GNL3L: variants seen among roughly 807,000 people sequenced by gnomAD.
GNL3L encodes the protein guanine nucleotide-binding protein-like 3-like protein.
GNL3L carries 4 observed loss-of-function variants against 42.9 expected under a neutral mutation model. The ratio of observed to expected loss-of-function variants is 0.09; its 90% CI spans 0.05 to 0.21. The LOEUF is 0.21. Among genes scored for constraint, GNL3L ranks in the 10% least tolerant of loss-of-function variants. GNL3L has a pLI of 1.00. For synonymous variants in GNL3L, 159 were observed against 176.3 expected, an observed-to-expected ratio of 0.90 and a Z score of 0.78; for missense variants, 412 against 481.7, an observed-to-expected ratio of 0.86 and a Z score of 1.36.
chrX:54,569,386 G>A (rs749809415), downstream of GNL3L, among the ~76,000 whole-genome samples: 18 of 111,637 alleles, frequency 1.6e-4, no homozygotes, highest in Non-Finnish European at 3.0e-4. Flanking sequence ...GGCTATTCAG[G>A]TTATATTTCT....
intron 5 of GNL3L, 148 bp downstream of exon 5, chrX:54,541,537 A>T: frequency 8.9e-5 from 22 of 248,450 alleles, no homozygotes; most frequent in East Asian, 3.5e-4. Context: ...GGACGAAGGG[A>T]GGGAGGGAGG....
chrX:54,536,052 C>T (rs1375505191), intron 2 of GNL3L, among the ~76,000 whole-genome samples: 2 of 111,025 alleles, frequency 1.8e-5, no homozygotes, highest in Admixed American at 1.9e-4. Context: ...CTCAGCCTCT[C>T]GAGTAGCTGG....
At chrX:54,557,754 A>C (rs1186214980) in intron 14 of GNL3L, among the ~76,000 whole-genome samples, 1 of 108,780 alleles carries the variant, frequency 9.2e-6, no homozygotes, top group Non-Finnish European at 1.9e-5. Context: ...TTTTTAACAG[A>C]ATTGTTTGTA....
the GNL3L span, among the ~76,000 whole-genome samples, chrX:54,632,226 G>A: frequency 2.7e-5 from 3 of 111,309 alleles, no homozygotes; most frequent in East Asian, 8.4e-4. Context: ...CTTGACTTTA[G>A]ATAACCTGAT....
intron 16 of GNL3L, among the ~76,000 whole-genome samples, chrX:54,613,479 AGT>A (rs1365171165): frequency 9.0e-6 from 1 of 110,652 alleles, no homozygotes; most frequent in African/African-American, 3.3e-5. Flanking sequence ...CTGGTGAACT[AGT>A]GTGATTTTTT....
At chrX:54,622,992 A>G (rs1374964109), downstream of GNL3L, among the ~76,000 whole-genome samples, 1 of 111,664 alleles carries the variant, frequency 9.0e-6, no homozygotes, top group African/African-American at 3.3e-5. Flanking sequence ...ACCCTATTTA[A>G]TGGACTTGTC....
At chrX:54,641,577 C>G in the GNL3L span, among the ~76,000 whole-genome samples, 123 of 112,131 alleles carry the variant, frequency 1.1e-3, no homozygotes, top group African/African-American at 3.9e-3. Context: ...GGAGCACTGG[C>G]TCTACTTACA....
intron 16 of GNL3L, among the ~76,000 whole-genome samples, chrX:54,614,016 C>G (rs1163857707): frequency 9.0e-6 from 1 of 110,564 alleles, no homozygotes; most frequent in African/African-American, 3.3e-5. Context: ...TCTTCCACTA[C>G]CAGGGTGGAT....
chrX:54,576,835 A>G (rs922887935), intron 16 of GNL3L, among the ~76,000 whole-genome samples: 17 of 111,709 alleles, frequency 1.5e-4, no homozygotes, highest in Non-Finnish European at 2.8e-4. Flanking sequence ...GTTTCTATTT[A>G]TCTCATGTGT....
At chrX:54,588,870 CTTTAT>C (rs936868828) in intron 16 of GNL3L, among the ~76,000 whole-genome samples, 2 of 112,013 alleles carry the variant, frequency 1.8e-5, no homozygotes, top group African/African-American at 6.5e-5. Flanking sequence ...TTTTATTATG[CTTTAT>C]TTTATTTTTT....
At position 54,565,638 on chromosome X, in the gene GNL3L, T is replaced by A. The variant is rs1485149353; in HGVS notation, c.*5036T>A. Among the ~76,000 whole-genome samples, 6 of 109,956 alleles carry A rather than the reference T, an allele frequency of 5.5e-5. No homozygotes were observed. The highest frequency in any genetic ancestry group is 9.5e-5 in the Non-Finnish European group (5 of 52,767). On this transcript the variant is annotated 3_prime_UTR_variant, in exon 16 of 16. Transcript: ENST00000360845. ...GTGTGAGCCACCATGCCCAGCCAGGTTTTTTGACATTAAGTATGTGGTGGT... is the reference window on the plus strand; with the variant it reads ...GTGTGAGCCACCATGCCCAGCCAGGATTTTTGACATTAAGTATGTGGTGGT...
chrX:54,619,220 A>C, intron 16 of GNL3L, among the ~76,000 whole-genome samples: 1 of 111,440 alleles, frequency 9.0e-6, no homozygotes, highest in Non-Finnish European at 1.9e-5. Context: ...AATTGGAAAT[A>C]ATCGAAATAT....
At chrX:54,573,854 CTTT>C (rs59536536) in intron 16 of GNL3L, among the ~76,000 whole-genome samples, 2 of 91,849 alleles carry the variant, frequency 2.2e-5, no homozygotes, top group Admixed American at 1.2e-4. Flanking sequence ...TATTTTTCTG[CTTT>C]TTTTTTTTTT....
chrX:54,584,335 T>C (rs758032474), intron 16 of GNL3L, among the ~76,000 whole-genome samples: 8 of 111,247 alleles, frequency 7.2e-5, no homozygotes, highest in Non-Finnish European at 1.3e-4. Flanking sequence ...CCGGCCATAT[T>C]TATATTTTTA....
At chrX:54,579,646 G>A (rs1003109943) in intron 16 of GNL3L, among the ~76,000 whole-genome samples, 4 of 112,250 alleles carry the variant, frequency 3.6e-5, no homozygotes, top group Non-Finnish European at 7.5e-5. Flanking sequence ...AGATCCTCCT[G>A]CCTAAGCCAC....
the GNL3L span, among the ~76,000 whole-genome samples, chrX:54,640,411 A>T: frequency 8.9e-6 from 1 of 112,118 alleles, no homozygotes; most frequent in Non-Finnish European, 1.9e-5. Flanking sequence ...TTGCAGTCAG[A>T]GTGTACACAC....
At chrX:54,571,170 T>C (rs1925537504), downstream of GNL3L, among the ~76,000 whole-genome samples, 1 of 108,311 alleles carries the variant, frequency 9.2e-6, no homozygotes, top group African/African-American at 3.4e-5. Flanking sequence ...TTCTCAATTA[T>C]GTTGTTTCTA....
intron 16 of GNL3L, among the ~76,000 whole-genome samples, chrX:54,619,892 T>C (rs1289860753): frequency 8.9e-6 from 1 of 111,836 alleles, no homozygotes; most frequent in African/African-American, 3.2e-5. Context: ...TGGGGTGCTG[T>C]TCACTAGCAG....
chrX:54,557,265 A>C (rs1371819739), intron 14 of GNL3L, among the ~76,000 whole-genome samples: 1 of 109,237 alleles, frequency 9.2e-6, no homozygotes. Flanking sequence ...TAGATGTCAA[A>C]AAAAAAATTT....
Sources: allele counts gnomAD v4.1 joint callset (sites outside exome capture counted in the v4.1 genomes callset), GRCh38; gene constraint gnomAD v4.1.1; transcripts MANE v1.5; gene names NCBI Gene and HGNC (gene_info 2026-07-23, HGNC 2026-07-21).